Variants in PRKG1 observed in about 807,000 individuals in gnomAD.
PRKG1 encodes the protein cGMP-dependent protein kinase 1.
In PRKG1, 35 loss-of-function variants were observed where a neutral mutation model predicts 88.1. That is an observed-to-expected ratio of 0.40 (90% confidence interval 0.30 to 0.53). The LOEUF (loss-of-function observed/expected upper bound fraction) is 0.53, where lower values mean the gene tolerates loss of function less well. PRKG1 is among the 20% of genes least tolerant of loss of function. The probability of loss-of-function intolerance (pLI) is 0.59; values close to 1 mark genes in which losing one functional copy is unlikely to be tolerated. For synonymous variants in PRKG1, 303 were observed against 292.5 expected (o/e 1.04, Z -0.37); for missense variants, 540 against 839.8 (o/e 0.64, Z 4.41).
At chr10:51,624,923 G>A (rs974166373) in intron 3 of PRKG1, among the ~76,000 whole-genome samples, 2 of 152,130 alleles carry the variant, frequency 1.3e-5, no homozygotes, top group Non-Finnish European at 2.9e-5. Context: ...GGGTGTCCAG[G>A]GAAGATTGGT....
intron 2 of PRKG1, among the ~76,000 whole-genome samples, chr10:51,228,590 G>C (rs1043723409): frequency 5.9e-5 from 9 of 152,118 alleles, no homozygotes; most frequent in African/African-American, 2.2e-4. Context: ...ACTTATGGGA[G>C]AAAGAGAGAG....
intron 8 of PRKG1, among the ~76,000 whole-genome samples, chr10:52,150,742 A>C (rs78916632): frequency 0.029 from 4,491 of 152,266 alleles, 211 homozygotes; most frequent in African/African-American, 0.1. Context: ...TAAAACAGAT[A>C]CCTTGGGATA....
chr10:51,440,420 T>G (rs1839067338), intron 2 of PRKG1, among the ~76,000 whole-genome samples: 3 of 151,860 alleles, frequency 2.0e-5, no homozygotes, highest in Admixed American at 2.0e-4. Flanking sequence ...AACACTAGAA[T>G]TTTTTCAGAT....
Position 51,737,441 on chromosome 10 carries a change from G to T in PRKG1, c.593-67144G>T, listed in dbSNP as rs535127794. 5.5e-4 allele frequency among the ~76,000 whole-genome samples: 84 copies of T among 152,280 alleles called. No homozygotes were observed. In the Middle Eastern group the frequency reaches 0.014, roughly 25 times the overall value. On this transcript the variant is annotated intron_variant, in intron 3 of 17. Transcript: ENST00000373980. ...AAAGCACTGATTTTGTTGTTGCCTG[G>T]TTTATTGCTTTCAATCTAATTGAGA...
intron 5 of PRKG1, among the ~76,000 whole-genome samples, chr10:52,028,413 A>T (rs961198718): frequency 2.6e-5 from 4 of 152,116 alleles, no homozygotes; most frequent in Non-Finnish European, 4.4e-5. Context: ...AAGCCAGTCA[A>T]TTACTTTTCT....
intron 5 of PRKG1, among the ~76,000 whole-genome samples, chr10:51,925,859 G>T (rs1386293406): frequency 6.6e-6 from 1 of 151,996 alleles, no homozygotes; most frequent in Non-Finnish European, 1.5e-5. Context: ...TTGATCTTTA[G>T]TTTGTTCAGC....
intron 2 of PRKG1, among the ~76,000 whole-genome samples, chr10:51,446,704 T>C (rs1457154656): frequency 1.3e-5 from 2 of 152,090 alleles, no homozygotes; most frequent in Non-Finnish European, 2.9e-5. Context: ...CAGGTTCTGC[T>C]TTTCTAAAAT....
At chr10:51,188,458 G>C (rs961088147) in intron 2 of PRKG1, among the ~76,000 whole-genome samples, 2 of 151,584 alleles carry the variant, frequency 1.3e-5, no homozygotes, top group African/African-American at 4.8e-5. Context: ...CATATATCAT[G>C]TTTAATGATC....
intron 2 of PRKG1, among the ~76,000 whole-genome samples, chr10:51,360,594 TA>T (rs1407334914): frequency 6.6e-6 from 1 of 151,890 alleles, no homozygotes; most frequent in Non-Finnish European, 1.5e-5. Context: ...GAGGGTGAAA[TA>T]AAGATATAAA....
At chr10:52,107,889 ATAGAG>A (rs1291458466) in intron 7 of PRKG1, among the ~76,000 whole-genome samples, 4 of 152,216 alleles carry the variant, frequency 2.6e-5, no homozygotes, top group African/African-American at 9.6e-5. Context: ...ACTTTGTGAA[ATAGAG>A]TATAGTTGGC....
chr10:51,182,799 C>T (rs554590790), intron 2 of PRKG1, among the ~76,000 whole-genome samples: 1 of 152,304 alleles, frequency 6.6e-6, no homozygotes, highest in Non-Finnish European at 1.5e-5. Context: ...CCAGGGGACA[C>T]CACTCAGCTT....
chr10:52,033,656 G>A (rs7918280), intron 5 of PRKG1, among the ~76,000 whole-genome samples: 105,368 of 151,980 alleles, frequency 0.69, 37,177 homozygotes, highest in Middle Eastern at 0.77. Flanking sequence ...AAACTCTAAA[G>A]TATATGTAAA....
At chr10:52,177,768 A>C (rs182989718) in intron 9 of PRKG1, among the ~76,000 whole-genome samples, 63 of 152,004 alleles carry the variant, frequency 4.1e-4, no homozygotes, top group African/African-American at 1.3e-3. Context: ...CTAGGTTTTC[A>C]AATTTACTGG....
At chr10:51,909,298 A>T (rs7908238) in intron 5 of PRKG1, 114,140 of 152,038 alleles carry the variant, frequency 0.75, 43,356 homozygotes, top group African/African-American at 0.87. Context: ...GCATTGTTTA[A>T]GTAGAGGGAG....
At chr10:51,416,502 G>A (rs915976508) in intron 2 of PRKG1, among the ~76,000 whole-genome samples, 1 of 152,068 alleles carries the variant, frequency 6.6e-6, no homozygotes, top group African/African-American at 2.4e-5. Context: ...AAAGATCTGG[G>A]TTTGAACCCT....
intron 4 of PRKG1, among the ~76,000 whole-genome samples, chr10:51,805,773 T>C (rs1327305297): frequency 1.3e-5 from 2 of 152,142 alleles, no homozygotes; most frequent in East Asian, 3.8e-4. Flanking sequence ...CTTCATCTTT[T>C]ATACATTTTT....
chr10:51,694,985 C>T (rs913156511), intron 3 of PRKG1, among the ~76,000 whole-genome samples: 1 of 152,068 alleles, frequency 6.6e-6, no homozygotes, highest in African/African-American at 2.4e-5. Flanking sequence ...GTTGTTATAG[C>T]TCATTTGTTC....
At chr10:51,226,946 G>C (rs1408858962) in intron 2 of PRKG1, among the ~76,000 whole-genome samples, 1 of 151,972 alleles carries the variant, frequency 6.6e-6, no homozygotes, top group African/African-American at 2.4e-5. Flanking sequence ...GCAACAATTG[G>C]ACAAGCCCAC....
At chr10:52,129,988 C>T (rs1216088867) in intron 7 of PRKG1, among the ~76,000 whole-genome samples, 1 of 152,190 alleles carries the variant, frequency 6.6e-6, no homozygotes, top group Non-Finnish European at 1.5e-5. Flanking sequence ...AACTGTAACT[C>T]ACTAGCTATA....
Sources: gnomAD v4.1 joint callset for allele counts (sites outside exome capture counted in the v4.1 genomes callset) on GRCh38, gnomAD v4.1.1 for gene constraint, MANE v1.5 for transcripts, NCBI Gene and HGNC (gene_info 2026-07-23, HGNC 2026-07-21) for gene names.